BBS5: variants seen among roughly 807,000 people sequenced by gnomAD.
BBS5 encodes the protein BBSome complex member BBS5.
Under a neutral mutation model 50.2 loss-of-function variants are expected in BBS5, and 39 were observed. The ratio of observed to expected loss-of-function variants is 0.78; its 90% CI spans 0.60 to 1.01. The LOEUF (loss-of-function observed/expected upper bound fraction) is 1.01. Ranked by LOEUF, BBS5 falls within the 50% of genes least tolerant of loss-of-function variation. The probability of loss-of-function intolerance (pLI) is 0.00; values close to 1 mark genes in which losing one functional copy is unlikely to be tolerated. For synonymous variants in BBS5, 134 were observed against 133.1 expected, an observed-to-expected ratio of 1.01 and a Z score of -0.05; for missense variants, 356 against 401.5, an observed-to-expected ratio of 0.89 and a Z score of 0.97.
chr2:169,497,545 T>C lies in BBS5; in HGVS notation c.619-82T>C, dbSNP rs910410165. 1.4e-5 allele frequency: 12 copies of C among 850,202 alleles called. No homozygotes were observed. In the Admixed American group the frequency reaches 2.2e-4, roughly 16 times the overall value. The allele number at this position is 850,202 out of a possible 1,614,324, so 52.7% of individuals were successfully genotyped here. A position where few individuals can be genotyped will look rare whatever the true frequency, so the allele number is the denominator to read the frequency against. ...TTTAGACTATGAAAAGTAAATACTG[T>C]GTAAAGTTTAAAAACTGAGTTAAAG... is the stretch of plus-strand genomic sequence containing the variant. On this transcript the variant is annotated intron_variant, in intron 7 of 11. Coordinates refer to ENST00000295240, the MANE Select transcript of BBS5 (RefSeq NM_152384.3).
In BBS5 at chr2:169,505,512, G is replaced by T. The variant is rs1273124642; in HGVS notation, c.*930G>T. 3 of 279,874 alleles carry T rather than the reference G, an allele frequency of 1.1e-5. No individual in the cohort carries two copies. The highest frequency in any genetic ancestry group is 2.1e-5 in the Non-Finnish European group (3 of 143,366). The allele number at this position is 279,874 out of a possible 1,614,324, so 17.3% of individuals were successfully genotyped here. On this transcript the variant is annotated 3_prime_UTR_variant, in exon 12 of 12. Transcript: ENST00000295240. Reference sequence around the variant, plus strand: ...CGCCATCCCATCTAGGAAGTGAGGAGCGCCTCTTCCCACCCGCCATCCCAT... The same window carrying T: ...CGCCATCCCATCTAGGAAGTGAGGATCGCCTCTTCCCACCCGCCATCCCAT...
At chr2:169,496,061 CTCTT>C (rs1159819403) in intron 7 of BBS5, among the ~76,000 whole-genome samples, 1 of 152,214 alleles carries the variant, frequency 6.6e-6, no homozygotes, top group Non-Finnish European at 1.5e-5. Flanking sequence ...TTTTCTGAGT[CTCTT>C]TCTCAAAGTT....
chr2:169,494,306 T>C (rs531257964), intron 7 of BBS5, among the ~76,000 whole-genome samples: 1 of 152,344 alleles, frequency 6.6e-6, no homozygotes, highest in East Asian at 1.9e-4. Flanking sequence ...GCGAATGAAC[T>C]GCTTTCATTG....
Position 169,505,466 on chromosome 2 carries a change from T to G in BBS5, c.*884T>G, listed in dbSNP as rs1683895336. ...CTGCCTGGCTGCCCAGTCTGGAAAG[T>G]GAGGAGCGTCTCTGCCCGGCCGCCA... is the stretch of plus-strand genomic sequence containing the variant. On this transcript the variant is annotated 3_prime_UTR_variant, in exon 12 of 12. Transcript: ENST00000295240. 1 of 311,326 alleles carries G rather than the reference T, an allele frequency of 3.2e-6. No homozygotes were observed. Among genetic ancestry groups the G allele is most frequent in the Non-Finnish European group, 6.2e-6 (1 of 161,344 alleles). The allele number at this position is 311,326 out of a possible 1,614,324, so 19.3% of individuals were successfully genotyped here.
chr2:169,485,542 C>A (rs1312769258), intron 2 of BBS5, among the ~76,000 whole-genome samples: 3 of 152,150 alleles, frequency 2.0e-5, no homozygotes, highest in Non-Finnish European at 4.4e-5. Context: ...CAATCCTAAA[C>A]CCCACCCCCA....
chr2:169,494,964 C>A (rs1420893728), intron 7 of BBS5, among the ~76,000 whole-genome samples: 5 of 152,158 alleles, frequency 3.3e-5, no homozygotes, highest in Admixed American at 2.6e-4. Context: ...ATTCCCAACC[C>A]TATTTTTGGC....
At chr2:169,501,502 G>T (rs1683800995) in intron 9 of BBS5, among the ~76,000 whole-genome samples, 2 of 152,140 alleles carry the variant, frequency 1.3e-5, no homozygotes, top group African/African-American at 4.8e-5. Context: ...CGAGGTGGGA[G>T]AATCACGTGA....
chr2:169,484,763 T>C (rs1387817738), intron 2 of BBS5, among the ~76,000 whole-genome samples: 1 of 152,212 alleles, frequency 6.6e-6, no homozygotes, highest in Non-Finnish European at 1.5e-5. Context: ...CCAATGTATC[T>C]ATAATCAGAA....
At chr2:169,495,457 A>G (rs1167511650) in intron 7 of BBS5, among the ~76,000 whole-genome samples, 1 of 152,178 alleles carries the variant, frequency 6.6e-6, no homozygotes, top group Non-Finnish European at 1.5e-5. Context: ...GGCCCAAACA[A>G]CTTGCAATCT....
At chr2:169,489,494 C>G (rs112651521) in intron 5 of BBS5, among the ~76,000 whole-genome samples, 1 of 149,798 alleles carries the variant, frequency 6.7e-6, no homozygotes, top group African/African-American at 2.5e-5. Flanking sequence ...TTTTTAGAGA[C>G]GGGGTCTCAC....
chr2:169,505,119 T>G lies in BBS5; in HGVS notation c.*537T>G, dbSNP rs1457907103. 2.3e-6 allele frequency: 2 copies of G among 853,784 alleles called. No individual in the cohort carries two copies. The highest frequency in any genetic ancestry group is 3.8e-6 in the Non-Finnish European group (2 of 529,722). The allele number at this position is 853,784 out of a possible 1,614,324, so 52.9% of individuals were successfully genotyped here. A position where few individuals can be genotyped will look rare whatever the true frequency, so the allele number is the denominator to read the frequency against. ...ACAGGCGCGCGCCGCCACACCTGAC[T>G]GGTTTTCGTATTTTTTTGGTGGAGA... On this transcript the variant is annotated 3_prime_UTR_variant, in exon 12 of 12. Coordinates refer to ENST00000295240, the MANE Select transcript of BBS5 (RefSeq NM_152384.3).
rs1056936102 is a variant in BBS5, at chr2:169,493,070, C to A, written c.522+61C>A. ...GTGTTTTGGTAATCATTTTTCCATT[C>A]ATCATTGGATTTATATAGTCAATTC... On this transcript the variant is annotated intron_variant, in intron 6 of 11. Transcript: ENST00000295240. 4.5e-6 allele frequency: 7 copies of A among 1,570,840 alleles called. No individual in the cohort carries two copies. In the African/African-American group the frequency reaches 8.1e-5, roughly 18 times the overall value.
intron 7 of BBS5, among the ~76,000 whole-genome samples, chr2:169,496,259 G>A (rs1369090092): frequency 1.3e-5 from 2 of 151,986 alleles, no homozygotes; most frequent in Admixed American, 1.3e-4. Context: ...CCTTCTCCCA[G>A]GCCACTGGTT....
At chr2:169,497,780 C>T (rs1683722724) in intron 8 of BBS5, 91 bp downstream of exon 8, 1 of 817,264 alleles carries the variant, frequency 1.2e-6, no homozygotes, top group African/African-American at 1.7e-5. Context: ...AATCAGTTTA[C>T]ATCTGAGAAG....
At chr2:169,491,271 A>G (rs1683597209) in intron 5 of BBS5, among the ~76,000 whole-genome samples, 1 of 152,212 alleles carries the variant, frequency 6.6e-6, no homozygotes, top group Non-Finnish European at 1.5e-5. Flanking sequence ...CTTTTCTTTA[A>G]TAGTATTAAA....
rs1340894630 is a variant in BBS5 at position 169,504,743 on chromosome 2, TC to T, written c.*162del. The T allele has an allele frequency of 8.6e-6, 11 of 1,281,074 alleles. No individual in the cohort carries two copies. Among genetic ancestry groups the T allele is most frequent in the Non-Finnish European group, 1.1e-5 (10 of 916,828 alleles). 79.4% of individuals were successfully genotyped at this position (1,281,074 alleles called of 1,614,324 possible). On this transcript the variant is annotated 3_prime_UTR_variant, in exon 12 of 12. Transcript: ENST00000295240. Reference sequence around the variant, plus strand: ...TGAGGAAAAAGTCATTTAGAAAACTTCAGTTTTCGGCCAGCGCGTCGAGGGA... The same window carrying T: ...TGAGGAAAAAGTCATTTAGAAAACTTAGTTTTCGGCCAGCGCGTCGAGGGA...
intron 1 of BBS5, 65 bp downstream of exon 1, chr2:169,479,677 A>AC: frequency 6.3e-7 from 1 of 1,577,430 alleles, no homozygotes. Flanking sequence ...CGCGTTAGGG[A>AC]CCCGCGGGCG....
intron 8 of BBS5, among the ~76,000 whole-genome samples, chr2:169,498,034 C>A (rs1471923803): frequency 1.3e-5 from 2 of 152,274 alleles, no homozygotes; most frequent in Non-Finnish European, 2.9e-5. Flanking sequence ...GGAACTGAGG[C>A]TTTGAGAAGT....
chr2:169,498,666 G>T (rs538489880), intron 8 of BBS5, among the ~76,000 whole-genome samples: 3 of 151,996 alleles, frequency 2.0e-5, no homozygotes, highest in Non-Finnish European at 4.4e-5. Context: ...TTAGCCGGGC[G>T]TGGTGGCGGG....
Sources: allele counts gnomAD v4.1 joint callset (sites outside exome capture counted in the v4.1 genomes callset), GRCh38; gene constraint gnomAD v4.1.1; transcripts MANE v1.5; gene names NCBI Gene and HGNC (gene_info 2026-07-23, HGNC 2026-07-21).